Variants in MTOR observed in about 807,000 individuals in gnomAD.
MTOR encodes mechanistic target of rapamycin kinase, also known as serine/threonine-protein kinase mTOR.
In MTOR, 70 loss-of-function variants were observed where a neutral mutation model predicts 319.8. That is an observed-to-expected ratio of 0.22 (90% CI 0.18 to 0.27). The LOEUF (loss-of-function observed/expected upper bound fraction) is 0.27, where lower values mean the gene tolerates loss of function less well. Ranked by LOEUF, MTOR falls within the 10% of genes least tolerant of loss-of-function variation. MTOR has a pLI of 1.00. For missense variants in MTOR, 1,890 were observed against 3,274.4 expected (o/e 0.58, Z 10.32); for synonymous variants, 1,183 against 1,211.4 (o/e 0.98, Z 0.49).
At chr1:11,241,416 G>T in intron 10 of MTOR, 137 bp downstream of exon 10, 1 of 987,168 alleles carries the variant, frequency 1.0e-6, no homozygotes, top group Non-Finnish European at 1.4e-6. Context: ...TTCAGTACTA[G>T]CCTGTGTGTT....
Position 11,259,437 on chromosome 1 carries a change from T to C in MTOR, c.-14-14A>G. The C allele has an allele frequency of 6.6e-7, 1 of 1,520,930 alleles. No homozygotes were observed. Among genetic ancestry groups the C allele is most frequent in the African/African-American group, 1.4e-5 (1 of 70,562 alleles). The allele number at this position is 1,520,930 out of a possible 1,614,324, so 94.2% of individuals were successfully genotyped here. A position where few individuals can be genotyped will look rare whatever the true frequency, so the allele number is the denominator to read the frequency against. On this transcript the variant is annotated splice_polypyrimidine_tract_variant and intron_variant, in intron 1 of 57. Coordinates refer to ENST00000361445, the MANE Select transcript of MTOR (RefSeq NM_004958.4). ...TGCCCTGAGGTTCTTTAGAGAGAAG[T>C]TTCCTTTAATATTCTGGATAAGAAA...
intron 30 of MTOR, among the ~76,000 whole-genome samples, chr1:11,150,528 A>C (rs547759837): frequency 6.6e-6 from 1 of 152,296 alleles, no homozygotes; most frequent in South Asian, 2.1e-4. Context: ...TCCTATGCCA[A>C]AGAATTCTGG....
intron 28 of MTOR, chr1:11,193,683 G>T (rs1383838411): frequency 6.2e-7 from 1 of 1,614,152 alleles, no homozygotes; most frequent in Non-Finnish European, 8.5e-7. Context: ...TACAAGCAGG[G>T]CTTTGGCAGC....
chr1:11,175,648 G>A (rs1644959546), intron 28 of MTOR, among the ~76,000 whole-genome samples: 2 of 152,188 alleles, frequency 1.3e-5, no homozygotes, highest in African/African-American at 2.4e-5. Flanking sequence ...CACTTCCCCC[G>A]GCAAAGGCCC....
chr1:11,141,835 A>T (rs1007011759), intron 34 of MTOR, among the ~76,000 whole-genome samples: 4 of 150,300 alleles, frequency 2.7e-5, no homozygotes, highest in African/African-American at 4.8e-5. Context: ...AAAATAAAAA[A>T]AATAATAAAA....
At chr1:11,219,503 C>T (rs1646586741) in intron 19 of MTOR, among the ~76,000 whole-genome samples, 1 of 152,128 alleles carries the variant, frequency 6.6e-6, no homozygotes, top group Non-Finnish European at 1.5e-5. Flanking sequence ...GAAGTAAATG[C>T]ACATCCTCTC....
At position 11,234,253 on chromosome 1, in the gene MTOR, A is replaced by G. The variant is rs745845081; in HGVS notation, c.2221T>C (p.Leu741=). The G allele has an allele frequency of 1.2e-6, 2 of 1,612,966 alleles. No homozygotes were observed. Reference sequence around the variant, plus strand: ...ATTCTTCCAATCCCACTGTGCTCCAACTCTGTCAAAATCTGTAGGGAAGAA... The same window carrying G: ...ATTCTTCCAATCCCACTGTGCTCCAGCTCTGTCAAAATCTGTAGGGAAGAA... ...RKMLIQILTE[L]EHSGIGRIKE... The change falls in exon 14 of 58, where the codon TTG becomes CTG. Residue 741 remains leucine, a synonymous_variant. Transcript: ENST00000361445.
intron 13 of MTOR, among the ~76,000 whole-genome samples, chr1:11,236,581 C>G (rs1025069220): frequency 2.0e-5 from 3 of 150,572 alleles, no homozygotes; most frequent in Non-Finnish European, 4.4e-5. Flanking sequence ...GCTCTCGGCT[C>G]ACTGCAACCT....
In MTOR at chr1:11,124,442, G is replaced by A. The variant is rs902845138; in HGVS notation, c.6662+56C>T. 32 of 1,580,072 alleles carry A rather than the reference G, an allele frequency of 2.0e-5. No homozygotes were observed. In the Middle Eastern group the frequency reaches 5.1e-4, roughly 25 times the overall value. ...TAATACATGACTACACGAGACAAATGTAGGAAAAAACCAGAAGACTTCTCA... is the reference window on the plus strand; with the variant it reads ...TAATACATGACTACACGAGACAAATATAGGAAAAAACCAGAAGACTTCTCA... On this transcript the variant is annotated intron_variant, in intron 47 of 57. Transcript: ENST00000361445.
chr1:11,251,605 G>C (rs1649685535), intron 6 of MTOR, among the ~76,000 whole-genome samples: 1 of 150,586 alleles, frequency 6.6e-6, no homozygotes, highest in Non-Finnish European at 1.5e-5. Flanking sequence ...AATATGTGTT[G>C]AATGAATGAA....
rs148401665 is a variant in MTOR at position 11,134,210 on chromosome 1, T to C, written c.5246+141A>G. On this transcript the variant is annotated intron_variant, in intron 37 of 57. Coordinates refer to ENST00000361445, the MANE Select transcript of MTOR (RefSeq NM_004958.4). ...CTTTGAGAGCAGTATGCTTTGGTGG[T>C]TGCCTGGGATCCCTACTGGAAAAGG... The C allele has an allele frequency of 4.6e-3, 3,217 of 692,656 alleles. 150 individuals carry two copies. In the Admixed American group the frequency reaches 0.074, roughly 16 times the overall value. 42.9% of individuals were successfully genotyped at this position (692,656 alleles called of 1,614,324 possible). A position where few individuals can be genotyped will look rare whatever the true frequency, so the allele number is the denominator to read the frequency against.
chr1:11,214,755 T>C (rs984820789), intron 20 of MTOR, among the ~76,000 whole-genome samples: 6 of 152,222 alleles, frequency 3.9e-5, no homozygotes, highest in Non-Finnish European at 1.5e-5. Flanking sequence ...AAGCTGTGTT[T>C]TCTAGGTTAA....
chr1:11,156,928 C>G (rs926168426), intron 30 of MTOR, among the ~76,000 whole-genome samples: 6 of 152,074 alleles, frequency 3.9e-5, no homozygotes, highest in African/African-American at 1.4e-4. Flanking sequence ...CTGTCCTGTC[C>G]TAGAGCATTA....
intron 57 of MTOR, 116 bp from the exon 58 acceptor site, chr1:11,107,616 C>G (rs2100276860): frequency 9.2e-7 from 1 of 1,088,048 alleles, no homozygotes; most frequent in East Asian, 2.6e-5. Context: ...ATTCCCTGAG[C>G]TCTCCCACAG....
intron 36 of MTOR, among the ~76,000 whole-genome samples, chr1:11,136,546 C>G (rs2100461936): frequency 6.6e-6 from 1 of 152,286 alleles, no homozygotes; most frequent in South Asian, 2.1e-4. Flanking sequence ...GTTACCCAGG[C>G]TGGAGTGCAG....
intron 20 of MTOR, among the ~76,000 whole-genome samples, chr1:11,215,557 G>A (rs1235195226): frequency 6.6e-6 from 1 of 152,196 alleles, no homozygotes; most frequent in African/African-American, 2.4e-5. Flanking sequence ...CTTCCCCGTA[G>A]AGACATTTAA....
intron 3 of MTOR, among the ~76,000 whole-genome samples, chr1:11,257,423 C>T (rs1310982878): frequency 6.7e-6 from 1 of 149,726 alleles, no homozygotes; most frequent in Admixed American, 6.6e-5. Context: ...ATTAGCCAGG[C>T]GTGGTGGCAC....
intron 9 of MTOR, 96 bp downstream of exon 9, chr1:11,243,018 G>T: frequency 1.5e-6 from 2 of 1,362,306 alleles, no homozygotes; most frequent in Non-Finnish European, 2.0e-6. Context: ...GTTTAATGAT[G>T]CAAAAAATGG....
intron 57 of MTOR, 55 bp downstream of exon 57, chr1:11,108,126 A>G: frequency 7.0e-7 from 1 of 1,437,308 alleles, no homozygotes; most frequent in Non-Finnish European, 9.8e-7. Flanking sequence ...TTTGGGGCCT[A>G]GGCTTGGGAC....
Sources: gnomAD v4.1 joint callset for allele counts (sites outside exome capture counted in the v4.1 genomes callset) on GRCh38, gnomAD v4.1.1 for gene constraint, MANE v1.5 for transcripts, NCBI Gene and HGNC (gene_info 2026-07-23, HGNC 2026-07-21) for gene names.